FARP1: variants seen among roughly 807,000 people sequenced by gnomAD.
FARP1 encodes the protein FERM, ARH/RhoGEF and pleckstrin domain protein 1.
A neutral mutation model predicts 128.8 loss-of-function variants in FARP1; 52 were observed. The observed-to-expected ratio is 0.40, with a 90% confidence interval of 0.32 to 0.51. The LOEUF is 0.51. FARP1 is among the 20% of genes least tolerant of loss of function. The probability of loss-of-function intolerance (pLI) is 0.45; values close to 1 mark genes in which losing one functional copy is unlikely to be tolerated. For missense variants in FARP1, 1,333 were observed against 1,367.9 expected, an observed-to-expected ratio of 0.97 and a Z score of 0.40; for synonymous variants, 580 against 551.8, an observed-to-expected ratio of 1.05 and a Z score of -0.72.
intron 1 of FARP1, among the ~76,000 whole-genome samples, chr13:98,146,041 T>A (rs1336163545): frequency 6.6e-6 from 1 of 152,116 alleles, no homozygotes; most frequent in Non-Finnish European, 1.5e-5. Flanking sequence ...AAATTGTATA[T>A]ATTTATGAGG....
chr13:98,166,210 A>G (rs1000478812), intron 1 of FARP1, among the ~76,000 whole-genome samples: 25 of 152,168 alleles, frequency 1.6e-4, no homozygotes, highest in African/African-American at 2.7e-4. Flanking sequence ...TTCCCTGTCA[A>G]TAGACATCTA....
rs1228908917 is a variant in FARP1 at position 98,176,540 on chromosome 13, C to T, written c.-24+33048C>T. The T allele has an allele frequency of 6.2e-7, 1 of 1,614,084 alleles. No homozygotes were observed. The highest frequency in any genetic ancestry group is 8.5e-7 in the Non-Finnish European group (1 of 1,180,050). On this transcript the variant is annotated intron_variant, in intron 1 of 26. Coordinates refer to ENST00000319562, the MANE Select transcript of FARP1 (RefSeq NM_005766.4). This position sits in a 1 kb window ranked among gnomAD's most constrained non-coding sequence, Gnocchi z 6.2. ...TCGTCCTCGCAGATACAGTAGCGAC[C>T]CTCTTCAAGCTCCCGTTCAATCTCC...
intron 2 of FARP1, among the ~76,000 whole-genome samples, chr13:98,257,918 T>A (rs991000229): frequency 9.2e-5 from 14 of 152,246 alleles, no homozygotes; most frequent in African/African-American, 3.1e-4. Context: ...AATAGCTTGA[T>A]GTAGCCATTC....
chr13:98,251,159 C>T (rs1883304173), intron 2 of FARP1, among the ~76,000 whole-genome samples: 1 of 152,138 alleles, frequency 6.6e-6, no homozygotes. Context: ...ATTGTTGAAC[C>T]ATGAAGTTAA....
At chr13:98,157,976 G>C (rs1876610412) in intron 1 of FARP1, among the ~76,000 whole-genome samples, 1 of 152,208 alleles carries the variant, frequency 6.6e-6, no homozygotes, top group African/African-American at 2.4e-5. Flanking sequence ...CCTGTGGCTG[G>C]GAGGTCACTT....
At chr13:98,420,768 G>A (rs749901558) in intron 16 of FARP1, among the ~76,000 whole-genome samples, 6 of 152,230 alleles carry the variant, frequency 3.9e-5, no homozygotes, top group Non-Finnish European at 7.3e-5. Flanking sequence ...TCCAGAGGAC[G>A]TGGTGGAAGA....
chr13:98,373,641 G>C (rs1889457325), intron 5 of FARP1, among the ~76,000 whole-genome samples: 1 of 151,608 alleles, frequency 6.6e-6, no homozygotes, highest in African/African-American at 2.4e-5. Context: ...ATAAAATTAG[G>C]GAGGTCAGAG....
chr13:98,334,659 C>G (rs1429103211), intron 2 of FARP1, among the ~76,000 whole-genome samples: 17 of 152,164 alleles, frequency 1.1e-4, no homozygotes, highest in African/African-American at 4.1e-4. Flanking sequence ...CCCTACCCAC[C>G]ATGTGGCTGT....
intron 1 of FARP1, among the ~76,000 whole-genome samples, chr13:98,167,721 T>TA (rs1877372145): frequency 6.6e-6 from 1 of 152,168 alleles, no homozygotes; most frequent in African/African-American, 2.4e-5. Flanking sequence ...CAAACAGTTT[T>TA]AAAAAATCTT....
intron 2 of FARP1, among the ~76,000 whole-genome samples, chr13:98,241,779 C>T (rs1452274586): frequency 5.9e-5 from 9 of 151,988 alleles, no homozygotes; most frequent in African/African-American, 1.4e-4. Flanking sequence ...ATTAGCTGAG[C>T]GTGGTGGTGC....
chr13:98,448,622 G>A lies in FARP1; in HGVS notation c.*305G>A. On this transcript the variant is annotated 3_prime_UTR_variant, in exon 27 of 27. Transcript: ENST00000319562. ...CCCTCCACCCTGCCCCTGAAAAACA[G>A]TACACACACATCCGTTCAACACAAG... 1 of 340,362 alleles carries A rather than the reference G, an allele frequency of 2.9e-6. No individual in the cohort carries two copies. Among genetic ancestry groups the A allele is most frequent in the Non-Finnish European group, 5.4e-6 (1 of 184,192 alleles). 21.1% of individuals were successfully genotyped at this position (340,362 alleles called of 1,614,324 possible).
intron 2 of FARP1, among the ~76,000 whole-genome samples, chr13:98,233,390 C>A (rs1594301931): frequency 1.3e-5 from 2 of 151,858 alleles, no homozygotes; most frequent in East Asian, 3.9e-4. Context: ...CAGGCTCCCC[C>A]ACGTGAGAAC....
chr13:98,395,293 C>T lies in FARP1; in HGVS notation c.1231C>T (p.Arg411Ter). The T allele has an allele frequency of 6.2e-7, 1 of 1,609,328 alleles. No homozygotes were observed. Among genetic ancestry groups the T allele is most frequent in the Non-Finnish European group, 8.5e-7 (1 of 1,176,456 alleles). Residue 411 changes from arginine to a stop codon, truncating the protein, a stop_gained, in exon 13 of 27, where the codon CGA becomes TGA. Coordinates refer to ENST00000319562, the MANE Select transcript of FARP1 (RefSeq NM_005766.4). LOFTEE classifies it high-confidence loss of function. ...AESPGGQSCRRGKEPKVSAGE... is the reference protein window; with the variant it reads ...AESPGGQSCR Reference sequence around the variant, plus strand: ...ATCTCCAGGGGGCCAGAGCTGCCGGCGAGGAAAGGAACCGAAGGTTTCCGC... The same window carrying T: ...ATCTCCAGGGGGCCAGAGCTGCCGGTGAGGAAAGGAACCGAAGGTTTCCGC...
At chr13:98,370,772 C>T (rs1364779184) in intron 5 of FARP1, among the ~76,000 whole-genome samples, 1 of 152,218 alleles carries the variant, frequency 6.6e-6, no homozygotes, top group Non-Finnish European at 1.5e-5. Context: ...GTGACAAAGA[C>T]TTCCCACTGC....
At chr13:98,217,741 T>C (rs1408017497) in intron 2 of FARP1, among the ~76,000 whole-genome samples, 1 of 152,230 alleles carries the variant, frequency 6.6e-6, no homozygotes, top group Non-Finnish European at 1.5e-5. Context: ...CTTATTTGTT[T>C]ACCTGCTTAG....
At chr13:98,358,944 T>G (rs1888752911) in intron 3 of FARP1, among the ~76,000 whole-genome samples, 1 of 152,198 alleles carries the variant, frequency 6.6e-6, no homozygotes, top group South Asian at 2.1e-4. Context: ...GCTCTTTCTT[T>G]TTCTTTTAGG....
rs191109502 is a variant in FARP1, at chr13:98,428,444, C to T, written c.1906-2599C>T. On this transcript the variant is annotated intron_variant, in intron 17 of 26. Transcript: ENST00000319562. ...GGCTCTCTGTTTTCTTCCTGCTAGG[C>T]GACCAGGCCAGCTTCCCAATGAGTC... 6.6e-5 allele frequency among the ~76,000 whole-genome samples: 10 copies of T among 152,138 alleles called. No individual in the cohort carries two copies. The East Asian group carries it at 1.2e-3, about 18-fold the overall frequency.
chr13:98,354,664 G>T (rs550236189), intron 3 of FARP1, among the ~76,000 whole-genome samples: 1 of 152,100 alleles, frequency 6.6e-6, no homozygotes, highest in Non-Finnish European at 1.5e-5. Context: ...AAGTATTTAC[G>T]TAAGAGAAAT....
Position 98,254,592 on chromosome 13 carries a change from G to T in FARP1, c.171+41179G>T, listed in dbSNP as rs372775592. 1.6e-3 allele frequency among the ~76,000 whole-genome samples: 246 copies of T among 152,320 alleles called. 5 individuals are homozygous for T. The South Asian group carries it at 0.044, about 27-fold the overall frequency. On this transcript the variant is annotated intron_variant, in intron 2 of 26. Coordinates refer to ENST00000319562, the MANE Select transcript of FARP1 (RefSeq NM_005766.4). ...TCCTTCTGCCTGTGTTGCTGTAGGTGCAGAATGTGATTTAAGCCAAATGCA... is the reference window on the plus strand; with the variant it reads ...TCCTTCTGCCTGTGTTGCTGTAGGTTCAGAATGTGATTTAAGCCAAATGCA...
Sources: allele counts gnomAD v4.1 joint callset (sites outside exome capture counted in the v4.1 genomes callset), GRCh38; gene constraint gnomAD v4.1.1; non-coding constraint Gnocchi (gnomAD v3.1); transcripts MANE v1.5; gene names NCBI Gene and HGNC (gene_info 2026-07-23, HGNC 2026-07-21).